Variants in BIN2 observed in about 807,000 individuals in gnomAD.
BIN2 encodes the protein breast cancer associated protein BRAP1.
In BIN2, 43 loss-of-function variants were observed where a neutral mutation model predicts 67.9. That is an observed-to-expected ratio of 0.63 (90% CI 0.50 to 0.82). The LOEUF (loss-of-function observed/expected upper bound fraction) is 0.82. BIN2 is among the 40% of genes least tolerant of loss of function. The pLI is 0.00. For missense variants in BIN2, 581 were observed against 671.6 expected (o/e 0.87, Z 1.49); for synonymous variants, 244 against 246.8 (o/e 0.99, Z 0.11).
At chr12:51,290,660 G>A (rs774039696) in intron 10 of BIN2, among the ~76,000 whole-genome samples, 2 of 151,822 alleles carry the variant, frequency 1.3e-5, no homozygotes, top group Non-Finnish European at 2.9e-5. Flanking sequence ...CCAGCTGGGC[G>A]AGGTGGCTCA....
At chr12:51,294,903 T>C (rs1248140124) in intron 9 of BIN2, among the ~76,000 whole-genome samples, 1 of 152,170 alleles carries the variant, frequency 6.6e-6, no homozygotes, top group East Asian at 1.9e-4. Context: ...TATTATTCTT[T>C]ATACGTTCGG....
chr12:51,317,671 AAAATT>A (rs953734020), intron 1 of BIN2, among the ~76,000 whole-genome samples: 5 of 151,692 alleles, frequency 3.3e-5, no homozygotes, highest in African/African-American at 1.2e-4. Context: ...AACAAAACAA[AAAATT>A]AAATTAAATT....
At chr12:51,288,671 AAATCTTGTTGC>A (rs924887322) in intron 10 of BIN2, among the ~76,000 whole-genome samples, 6 of 152,100 alleles carry the variant, frequency 3.9e-5, no homozygotes, top group African/African-American at 1.2e-4. Context: ...TAGAATGAAT[AAATCTTGTTGC>A]CATCTAGTCA....
chr12:51,283,759 C>T (rs1411117147), intron 12 of BIN2, among the ~76,000 whole-genome samples: 2 of 152,082 alleles, frequency 1.3e-5, no homozygotes, highest in African/African-American at 2.4e-5. Flanking sequence ...CTTTGGGAGG[C>T]CAAGGCAGGT....
chr12:51,286,132 A>G (rs770247516), intron 11 of BIN2, among the ~76,000 whole-genome samples: 20 of 152,130 alleles, frequency 1.3e-4, no homozygotes, highest in Non-Finnish European at 2.5e-4. Flanking sequence ...TTTTTTTTCA[A>G]AAATGGCTAT....
chr12:51,292,508 C>T (rs1945415979), intron 9 of BIN2, among the ~76,000 whole-genome samples, 164 bp from the exon 10 acceptor site: 1 of 151,956 alleles, frequency 6.6e-6, no homozygotes, highest in Admixed American at 6.6e-5. Flanking sequence ...GAAAAAAGGC[C>T]AAAATTTTAT....
At chr12:51,294,209 A>G (rs1464222997) in intron 9 of BIN2, among the ~76,000 whole-genome samples, 1 of 152,198 alleles carries the variant, frequency 6.6e-6, no homozygotes, top group Non-Finnish European at 1.5e-5. Context: ...TACAAACAAC[A>G]CTAAGAGAAC....
intron 7 of BIN2, among the ~76,000 whole-genome samples, chr12:51,298,346 T>C (rs984129558): frequency 6.6e-6 from 1 of 151,930 alleles, no homozygotes; most frequent in South Asian, 2.1e-4. Context: ...CACTCCAGCC[T>C]GGCAACAGAG....
At chr12:51,301,559 C>T (rs1011764706) in intron 5 of BIN2, among the ~76,000 whole-genome samples, 4 of 152,010 alleles carry the variant, frequency 2.6e-5, no homozygotes, top group South Asian at 2.1e-4. Context: ...CCCAGGCTGG[C>T]GCACAGTGGC....
chr12:51,284,724 G>C lies in BIN2; in HGVS notation c.1660C>G (p.Gln554Glu). Residue 554 changes from glutamine (Q) to glutamate (E), a missense_variant, in exon 12 of 13, where the codon CAA (glutamine) becomes GAA (glutamate). Coordinates refer to ENST00000615107, the MANE Select transcript of BIN2 (RefSeq NM_016293.4). Reference sequence around the variant, plus strand: ...TGTATATCTGGTCTTACCTCTTCTTGAGGTTCAGGTGCTGTGAGGTTGTTG... The same window carrying C: ...TGTATATCTGGTCTTACCTCTTCTTCAGGTTCAGGTGCTGTGAGGTTGTTG... Reference protein sequence around the residue: ...ENNNLTAPEPQEEVSTSENPQ... With the variant: ...ENNNLTAPEPEEEVSTSENPQ... The C allele has an allele frequency of 6.2e-7, 1 of 1,610,112 alleles. No homozygotes were observed.
chr12:51,297,629 G>A (rs7134625), intron 7 of BIN2, among the ~76,000 whole-genome samples: 116,863 of 152,040 alleles, frequency 0.77, 45,815 homozygotes, highest in Middle Eastern at 0.88. Flanking sequence ...ATCTGGATTC[G>A]TCAGAGCTGG....
chr12:51,316,531 A>C (rs900971278), intron 1 of BIN2, among the ~76,000 whole-genome samples: 1 of 152,086 alleles, frequency 6.6e-6, no homozygotes, highest in Non-Finnish European at 1.5e-5. Flanking sequence ...ATGTATCTTT[A>C]AGTAATAGTT....
At chr12:51,289,844 C>A (rs1464547738) in intron 10 of BIN2, among the ~76,000 whole-genome samples, 1 of 151,734 alleles carries the variant, frequency 6.6e-6, no homozygotes, top group Non-Finnish European at 1.5e-5. Context: ...TAAGGAGCAG[C>A]CTTTTCAAAA....
rs1945415126 is a variant in BIN2 at position 51,292,468 on chromosome 12, T to C, written c.762-124A>G. 4.5e-6 allele frequency: 5 copies of C among 1,118,082 alleles called. No homozygotes were observed. In the African/African-American group the frequency reaches 6.3e-5, roughly 14 times the overall value. 69.3% of individuals were successfully genotyped at this position (1,118,082 alleles called of 1,614,324 possible). ...AATTTAAAATGTTAGAAAGTTTGCA[T>C]AATTTACAATAACACTTATACAGTG... On this transcript the variant is annotated intron_variant, in intron 9 of 12. Coordinates refer to ENST00000615107, the MANE Select transcript of BIN2 (RefSeq NM_016293.4).
chr12:51,296,121 G>C (rs1565676635), intron 8 of BIN2, among the ~76,000 whole-genome samples: 1 of 151,976 alleles, frequency 6.6e-6, no homozygotes, highest in Non-Finnish European at 1.5e-5. Context: ...CTCAAGGCAG[G>C]GTCCATAACT....
intron 9 of BIN2, among the ~76,000 whole-genome samples, chr12:51,295,392 C>CAAAAAAAAAAA (rs1178848004): frequency 1.1e-5 from 1 of 91,770 alleles, no homozygotes; most frequent in African/African-American, 4.2e-5. Flanking sequence ...ACTAAAAATA[C>CAAAAAAAAAAA]AAAAAAAAAA....
upstream of BIN2, chr12:51,324,290 C>G (rs1946375520): frequency 7.2e-7 from 1 of 1,395,840 alleles, no homozygotes; most frequent in South Asian, 1.5e-5. Context: ...CAGGCCGGCT[C>G]GGAGGGGCGG....
In BIN2 at chr12:51,324,147, G is replaced by C; in HGVS notation, c.-45C>G. 6.2e-7 allele frequency: 1 copy of C among 1,606,404 alleles called. No individual in the cohort carries two copies. ...CCGCCGCCCTGGCCCCGCGCCCTGT[G>C]GTTTTCTGAGGCCCCCGAGGAGGAA... On this transcript the variant is annotated 5_prime_UTR_variant, in exon 1 of 13. Transcript: ENST00000615107.
intron 2 of BIN2, among the ~76,000 whole-genome samples, chr12:51,312,904 T>C (rs977207882): frequency 1.3e-5 from 2 of 152,224 alleles, no homozygotes; most frequent in Admixed American, 1.3e-4. Flanking sequence ...TTTTAAAAAT[T>C]ATTTTCTATA....
Sources: allele counts gnomAD v4.1 joint callset (sites outside exome capture counted in the v4.1 genomes callset), GRCh38; gene constraint gnomAD v4.1.1; transcripts MANE v1.5; gene names NCBI Gene and HGNC (gene_info 2026-07-23, HGNC 2026-07-21).